Variants in SAXO1 observed in about 807,000 individuals in gnomAD.
SAXO1 encodes the protein stabilizer of axonemal microtubules 1, also known as 4930500O09Rik.
SAXO1 carries 21 observed loss-of-function variants against 17.5 expected under a neutral mutation model. The observed-to-expected ratio is 1.20, with a 90% CI of 0.85 to 1.72. The LOEUF (loss-of-function observed/expected upper bound fraction) is 1.72, where lower values mean the gene tolerates loss of function less well. SAXO1 is among the 40% of genes most tolerant of loss of function. The probability of loss-of-function intolerance (pLI) is 0.00; values close to 1 mark genes in which losing one functional copy is unlikely to be tolerated. For synonymous variants in SAXO1, 274 were observed against 216.5 expected, an observed-to-expected ratio of 1.27 and a Z score of -2.33; for missense variants, 843 against 596.0, an observed-to-expected ratio of 1.41 and a Z score of -4.32.
At chr9:18,937,594 G>C (rs909102266) in intron 3 of SAXO1, among the ~76,000 whole-genome samples, 1 of 152,146 alleles carries the variant, frequency 6.6e-6, no homozygotes, top group South Asian at 2.1e-4. Context: ...GTATTGGGAG[G>C]TGAGGCCTTT....
intron 3 of SAXO1, among the ~76,000 whole-genome samples, chr9:18,935,397 G>A (rs540355233): frequency 1.2e-4 from 19 of 152,178 alleles, no homozygotes; most frequent in African/African-American, 4.6e-4. Flanking sequence ...TTCCTATTGG[G>A]CTTTCTCATG....
At chr9:19,018,669 G>A (rs1835099382) in intron 1 of SAXO1, among the ~76,000 whole-genome samples, 1 of 152,158 alleles carries the variant, frequency 6.6e-6, no homozygotes, top group Non-Finnish European at 1.5e-5. Flanking sequence ...ACAGATGAAG[G>A]TTTTTAATAC....
At chr9:18,949,836 G>A (rs551984494) in intron 2 of SAXO1, among the ~76,000 whole-genome samples, 14 of 152,194 alleles carry the variant, frequency 9.2e-5, no homozygotes, top group Non-Finnish European at 1.9e-4. Flanking sequence ...CTGAGGCACC[G>A]ATGTGCAAGC....
chr9:18,969,479 C>T (rs1832864156), intron 1 of SAXO1, among the ~76,000 whole-genome samples: 1 of 152,192 alleles, frequency 6.6e-6, no homozygotes, highest in Non-Finnish European at 1.5e-5. Context: ...CCTCTAATCC[C>T]TATTTTAAAA....
At chr9:19,021,750 A>C (rs777822171) in intron 1 of SAXO1, among the ~76,000 whole-genome samples, 3 of 152,194 alleles carry the variant, frequency 2.0e-5, no homozygotes, top group Non-Finnish European at 4.4e-5. Flanking sequence ...AGGATTGCAA[A>C]TGCACCAATC....
At chr9:19,044,069 C>G (rs1342793892) in intron 1 of SAXO1, among the ~76,000 whole-genome samples, 1 of 151,466 alleles carries the variant, frequency 6.6e-6, no homozygotes, top group Admixed American at 6.6e-5. Flanking sequence ...CACTTGAACC[C>G]AGGAGGTAGA....
intron 1 of SAXO1, among the ~76,000 whole-genome samples, chr9:18,969,712 T>G (rs553506636): frequency 9.1e-4 from 139 of 152,354 alleles, no homozygotes; most frequent in Non-Finnish European, 1.3e-3. Flanking sequence ...TATTTTTGGA[T>G]GAACAATTTG....
At chr9:19,001,907 A>C (rs973243655) in intron 1 of SAXO1, among the ~76,000 whole-genome samples, 3 of 152,146 alleles carry the variant, frequency 2.0e-5, no homozygotes, top group African/African-American at 7.2e-5. Flanking sequence ...AGCAGAAATG[A>C]AGGAGATAGA....
At chr9:19,037,220 G>T (rs938417915), upstream of SAXO1, among the ~76,000 whole-genome samples, 3 of 152,318 alleles carry the variant, frequency 2.0e-5, no homozygotes, top group South Asian at 2.1e-4. Context: ...GAAGGGACTT[G>T]CCTTGTCTCA....
upstream of SAXO1, among the ~76,000 whole-genome samples, chr9:19,036,254 TAAA>T (rs66796545): frequency 2.4e-3 from 285 of 119,766 alleles, no homozygotes; most frequent in African/African-American, 3.2e-3. Context: ...TAAAGTATAA[TAAA>T]AAAAAAAAAA....
chr9:18,986,448 CAG>C (rs368847964), intron 1 of SAXO1, among the ~76,000 whole-genome samples: 47 of 152,210 alleles, frequency 3.1e-4, no homozygotes, highest in African/African-American at 1.1e-3. Context: ...GGTCAAAGAA[CAG>C]AGAGACCAAT....
rs766060064 is a variant in SAXO1, at chr9:18,928,001, T to C, written c.*51A>G. Reference sequence around the variant, plus strand: ...TTTTTGTCCAACAAATAATTCTCAGTTGTCTGCTTTTAAAAGTACTGTGTA... The same window carrying C: ...TTTTTGTCCAACAAATAATTCTCAGCTGTCTGCTTTTAAAAGTACTGTGTA... On this transcript the variant is annotated 3_prime_UTR_variant, in exon 4 of 4. Transcript: ENST00000380534. 6.9e-7 allele frequency: 1 copy of C among 1,457,398 alleles called. No homozygotes were observed. Among genetic ancestry groups the C allele is most frequent in the Non-Finnish European group, 9.1e-7 (1 of 1,097,782 alleles). The allele number at this position is 1,457,398 out of a possible 1,614,324, so 90.3% of individuals were successfully genotyped here. A position where few individuals can be genotyped will look rare whatever the true frequency, so the allele number is the denominator to read the frequency against.
chr9:18,941,292 C>T (rs1008633742), intron 3 of SAXO1, among the ~76,000 whole-genome samples: 1 of 122,826 alleles, frequency 8.1e-6, no homozygotes, highest in African/African-American at 3.4e-5. Flanking sequence ...TCAACAACTA[C>T]TCAACTTTGC....
chr9:18,983,818 G>A (rs79311362), intron 1 of SAXO1, among the ~76,000 whole-genome samples: 147 of 152,258 alleles, frequency 9.7e-4, no homozygotes, highest in African/African-American at 3.1e-3. Context: ...TCTTAATGGC[G>A]TCTAGAATGA....
chr9:18,998,794 G>C (rs1834121957), intron 1 of SAXO1, among the ~76,000 whole-genome samples: 1 of 152,020 alleles, frequency 6.6e-6, no homozygotes, highest in African/African-American at 2.4e-5. Flanking sequence ...GCCAGAAAAA[G>C]GGGCCATTAT....
At chr9:18,995,550 A>G (rs1012432990) in intron 1 of SAXO1, among the ~76,000 whole-genome samples, 1 of 152,152 alleles carries the variant, frequency 6.6e-6, no homozygotes, top group Non-Finnish European at 1.5e-5. Flanking sequence ...TGCTGCTGCT[A>G]TTCCCTTTTT....
chr9:18,992,758 TA>T (rs1480035726), intron 1 of SAXO1, among the ~76,000 whole-genome samples: 1 of 144,408 alleles, frequency 6.9e-6, no homozygotes, highest in Non-Finnish European at 1.5e-5. Flanking sequence ...GTGTATATTC[TA>T]ATGACTTAAG....
chr9:19,021,552 G>T (rs1999737), intron 1 of SAXO1, among the ~76,000 whole-genome samples: 2,147 of 152,212 alleles, frequency 0.014, 100 homozygotes, highest in East Asian at 0.14. Flanking sequence ...CGCTATAGAT[G>T]ATGGGAATCC....
intron 1 of SAXO1, among the ~76,000 whole-genome samples, chr9:19,045,367 G>A (rs909499046): frequency 3.1e-5 from 4 of 130,720 alleles, no homozygotes; most frequent in South Asian, 2.8e-4. Flanking sequence ...TAGACTTACA[G>A]ATCCCCTCAC....
Sources: gnomAD v4.1 joint callset for allele counts (sites outside exome capture counted in the v4.1 genomes callset) on GRCh38, gnomAD v4.1.1 for gene constraint, MANE v1.5 for transcripts, NCBI Gene and HGNC (gene_info 2026-07-23, HGNC 2026-07-21) for gene names.